Variants in ZYG11B observed in about 807,000 individuals in gnomAD.
ZYG11B encodes protein zyg-11 homolog B.
Under a neutral mutation model 82.4 loss-of-function variants are expected in ZYG11B, and 36 were observed. The observed-to-expected ratio is 0.44, with a 90% CI of 0.33 to 0.58. ZYG11B has a LOEUF of 0.58. ZYG11B is among the 20% of genes least tolerant of loss of function. The probability of loss-of-function intolerance (pLI) is 0.02; values close to 1 mark genes in which losing one functional copy is unlikely to be tolerated. For missense variants in ZYG11B, 552 were observed against 895.6 expected, an observed-to-expected ratio of 0.62 and a Z score of 4.90; for synonymous variants, 303 against 312.8, an observed-to-expected ratio of 0.97 and a Z score of 0.33.
intron 5 of ZYG11B, among the ~76,000 whole-genome samples, chr1:52,785,519 C>T (rs867346144): frequency 9.2e-5 from 14 of 152,146 alleles, no homozygotes; most frequent in South Asian, 2.1e-4. Flanking sequence ...TGCAGTGGCG[C>T]GATCTCAACT....
chr1:52,748,681 G>A lies in ZYG11B; in HGVS notation c.31-7777G>A, dbSNP rs1015274267. 2.0e-5 allele frequency among the ~76,000 whole-genome samples: 3 copies of A among 152,204 alleles called. No individual in the cohort carries two copies. The East Asian group carries it at 5.8e-4, about 29-fold the overall frequency. On this transcript the variant is annotated intron_variant, in intron 1 of 13. Transcript: ENST00000294353. Reference sequence around the variant, plus strand: ...AATTCGAGAGTAGCCTGGCCAACATGGTGAAACCCTGTCTCCACTGAAAAT... The same window carrying A: ...AATTCGAGAGTAGCCTGGCCAACATAGTGAAACCCTGTCTCCACTGAAAAT...
At chr1:52,783,805 T>TATATACACACACACAC (rs74185908) in intron 4 of ZYG11B, among the ~76,000 whole-genome samples, 14 of 135,018 alleles carry the variant, frequency 1.0e-4, no homozygotes, top group Non-Finnish European at 1.9e-4. Flanking sequence ...TATATATATA[T>TATATACACACACACAC]ACACACACAC....
chr1:52,799,799 AAAG>A (rs1323819081), intron 8 of ZYG11B, among the ~76,000 whole-genome samples: 2 of 152,070 alleles, frequency 1.3e-5, no homozygotes, highest in African/African-American at 4.8e-5. Context: ...CGTCTCAAAA[AAAG>A]AAGAAAAAGG....
At chr1:52,815,484 G>A (rs943995976) in intron 12 of ZYG11B, among the ~76,000 whole-genome samples, 3 of 151,974 alleles carry the variant, frequency 2.0e-5, no homozygotes, top group African/African-American at 4.8e-5. Context: ...GCCAGTTGTG[G>A]TGGCACATCC....
chr1:52,745,638 C>T (rs761515441), intron 1 of ZYG11B, among the ~76,000 whole-genome samples: 1 of 139,800 alleles, frequency 7.2e-6, no homozygotes, highest in Non-Finnish European at 1.6e-5. Flanking sequence ...GATCTTGGCT[C>T]ACTGCAACCT....
At chr1:52,815,886 G>A in intron 12 of ZYG11B, among the ~76,000 whole-genome samples, 1 of 152,114 alleles carries the variant, frequency 6.6e-6, no homozygotes, top group Middle Eastern at 3.2e-3. Context: ...AGTGAGCTGA[G>A]ATCGCGCCAC....
intron 1 of ZYG11B, among the ~76,000 whole-genome samples, chr1:52,749,056 A>G (rs1334295434): frequency 6.7e-6 from 1 of 150,218 alleles, no homozygotes; most frequent in Non-Finnish European, 1.5e-5. Context: ...CAAAAAAATT[A>G]GTTAAGTGTG....
intron 3 of ZYG11B, among the ~76,000 whole-genome samples, chr1:52,776,275 A>G (rs946421467): frequency 8.2e-6 from 1 of 121,646 alleles, no homozygotes; most frequent in Admixed American, 8.9e-5. Context: ...GCACGCCTAT[A>G]ATCCCAGCAC....
chr1:52,726,474 G>C lies in ZYG11B; in HGVS notation c.-180G>C. On this transcript the variant is annotated 5_prime_UTR_variant, in exon 1 of 14. Transcript: ENST00000294353. ...GGGCGGAGTCTGCGCTCTGGTTCGG[G>C]CTGCGGCTGCGGCTGCGGCTGCGGC... 2.0e-6 allele frequency: 1 copy of C among 498,680 alleles called. No individual in the cohort carries two copies. The highest frequency in any genetic ancestry group is 3.1e-6 in the Non-Finnish European group (1 of 318,544). The allele number at this position is 498,680 out of a possible 1,614,324, so 30.9% of individuals were successfully genotyped here. A position where few individuals can be genotyped will look rare whatever the true frequency, so the allele number is the denominator to read the frequency against.
chr1:52,774,942 A>C (rs141991432), intron 3 of ZYG11B, among the ~76,000 whole-genome samples: 1 of 152,280 alleles, frequency 6.6e-6, no homozygotes, highest in East Asian at 1.9e-4. Flanking sequence ...GAGAACATTG[A>C]AAATCTGCTA....
intron 3 of ZYG11B, among the ~76,000 whole-genome samples, chr1:52,773,257 T>C (rs1359162957): frequency 6.6e-6 from 1 of 151,784 alleles, no homozygotes; most frequent in Non-Finnish European, 1.5e-5. Flanking sequence ...GCAGGTCACT[T>C]GAGGTCAAGA....
chr1:52,786,713 C>T (rs970993049), intron 5 of ZYG11B, among the ~76,000 whole-genome samples: 9 of 152,258 alleles, frequency 5.9e-5, no homozygotes, highest in Non-Finnish European at 1.5e-5. Context: ...GCCAGGCACT[C>T]AAGGCTGCCA....
chr1:52,762,070 T>C (rs1644636630), intron 2 of ZYG11B, among the ~76,000 whole-genome samples: 1 of 152,206 alleles, frequency 6.6e-6, no homozygotes, highest in Admixed American at 6.6e-5. Context: ...ATTAATCCCC[T>C]GTCAGCTGAA....
intron 3 of ZYG11B, among the ~76,000 whole-genome samples, chr1:52,774,307 A>T (rs1366391490): frequency 7.8e-6 from 1 of 127,546 alleles, no homozygotes; most frequent in Non-Finnish European, 1.6e-5. Flanking sequence ...TAACTGGCTA[A>T]TTTTTTTTTT....
Position 52,771,641 on chromosome 1 carries a change from T to G in ZYG11B, c.818T>G (p.Val273Gly). Residue 273 changes from valine to glycine, a missense_variant, in exon 3 of 14, where the codon GTT becomes GGT. Around this residue, in one of 3 missense-constraint regions of ZYG11B, gnomAD observed 359 missense variants for 555.8 expected, o/e 0.65. Transcript: ENST00000294353. The surrounding 1 kb of genome is among the most constrained non-coding windows in gnomAD (Gnocchi z 5.4). The stretch of plus-strand genomic sequence containing the variant: ...CTACCTAACCTTGTTTCTCTGGATG[T>G]TTCTGGGAGAAAGCACGTGACAGAT... Reference protein sequence around the residue: ...DILPNLVSLDVSGRKHVTDKA... With the variant: ...DILPNLVSLDGSGRKHVTDKA... The G allele has an allele frequency of 6.2e-7, 1 of 1,614,226 alleles. No individual in the cohort carries two copies. The highest frequency in any genetic ancestry group is 8.5e-7 in the Non-Finnish European group (1 of 1,180,030).
chr1:52,745,409 C>T (rs1267479300), intron 1 of ZYG11B, among the ~76,000 whole-genome samples: 1 of 152,136 alleles, frequency 6.6e-6, no homozygotes, highest in African/African-American at 2.4e-5. Context: ...CTCTGGTATG[C>T]CTTGCTTTTA....
intron 8 of ZYG11B, among the ~76,000 whole-genome samples, chr1:52,800,682 G>A (rs997996040): frequency 6.6e-6 from 1 of 152,014 alleles, no homozygotes; most frequent in Non-Finnish European, 1.5e-5. Context: ...GGTGGCATGC[G>A]CCTGTAATCC....
intron 6 of ZYG11B, among the ~76,000 whole-genome samples, chr1:52,792,227 A>G (rs985115901): frequency 2.6e-5 from 4 of 151,606 alleles, no homozygotes. Flanking sequence ...TGATTGATGG[A>G]TGAATGAATG....
intron 10 of ZYG11B, among the ~76,000 whole-genome samples, 176 bp from the exon 11 acceptor site, chr1:52,813,360 G>A (rs1645199597): frequency 6.6e-6 from 1 of 152,076 alleles, no homozygotes; most frequent in South Asian, 2.1e-4. Flanking sequence ...TTTGTCTTTG[G>A]CTTACTCTTA....
Sources: gnomAD v4.1 joint callset for allele counts (sites outside exome capture counted in the v4.1 genomes callset) on GRCh38, gnomAD v4.1.1 for gene constraint, gnomAD v4.1.1 regional missense constraint, Gnocchi (gnomAD v3.1) non-coding constraint, MANE v1.5 for transcripts, NCBI Gene and HGNC (gene_info 2026-07-23, HGNC 2026-07-21) for gene names.